Variants in TAF5L observed in about 807,000 individuals in gnomAD.
The protein encoded by TAF5L is TATA-box binding protein associated factor 5 like.
A neutral mutation model predicts 51.3 loss-of-function variants in TAF5L; 7 were observed. That is an observed-to-expected ratio of 0.14 (90% CI 0.08 to 0.26). TAF5L has a LOEUF of 0.26. Ranked by LOEUF, TAF5L falls within the 10% of genes least tolerant of loss-of-function variation. The pLI, the probability that TAF5L is intolerant of heterozygous loss-of-function variation, is 1.00. For synonymous variants in TAF5L, 291 were observed against 308.1 expected, an observed-to-expected ratio of 0.94 and a Z score of 0.58; for missense variants, 575 against 758.9, an observed-to-expected ratio of 0.76 and a Z score of 2.85.
chr1:229,599,284 T>TG, intron 4 of TAF5L: 1 of 797,338 alleles, frequency 1.3e-6, no homozygotes, highest in Non-Finnish European at 1.5e-6. Context: ...TGTTTTTTTT[T>TG]TTAAACTGAG....
rs991047707 is a variant in TAF5L, at chr1:229,616,234, G to A, written c.-3-1749C>T. ...TCACCATGTTGGCCAGGCTGGTCTC[G>A]AACTCCTGACCTCAAGTGACTTGCC... On this transcript the variant is annotated intron_variant, in intron 1 of 4. Transcript: ENST00000258281. Among the ~76,000 whole-genome samples, 8 of 152,066 alleles carry A rather than the reference G, an allele frequency of 5.3e-5. No individual in the cohort carries two copies. The East Asian group carries it at 5.8e-4, about 11-fold the overall frequency.
In TAF5L at chr1:229,614,400, G is replaced by T. The variant is rs778008907; in HGVS notation, c.83C>A (p.Pro28His). Reference sequence around the variant, plus strand: ...TGACAGCCGCAGTCCTTGCTTCAGGGGACCATCTGAGTCCACGTACTGCCG... The same window carrying T: ...TGACAGCCGCAGTCCTTGCTTCAGGTGACCATCTGAGTCCACGTACTGCCG... The change falls in exon 2 of 5, where the codon CCC (proline) becomes CAC (histidine). Residue 28 changes from proline (P) to histidine (H), a missense_variant. This residue lies in a region of TAF5L where 380 missense variants were observed against 443.7 expected (regional missense o/e 0.86). Transcript: ENST00000258281. 3 of 1,614,188 alleles carry T rather than the reference G, an allele frequency of 1.9e-6. No homozygotes were observed. The South Asian group carries it at 3.3e-5, about 18-fold the overall frequency.
At chr1:229,607,050 A>T in intron 3 of TAF5L, 1 of 985,414 alleles carries the variant, frequency 1.0e-6, no homozygotes, top group South Asian at 4.7e-5. Flanking sequence ...TCCTAGCCTC[A>T]AATTTCCCAC....
At chr1:229,605,108 G>GTACATATA (rs751531853) in intron 3 of TAF5L, among the ~76,000 whole-genome samples, 68 of 118,672 alleles carry the variant, frequency 5.7e-4, no homozygotes, top group African/African-American at 1.9e-3. Flanking sequence ...ATTTTTGTAT[G>GTACATATA]TATATATATA....
chr1:229,613,049 G>A (rs1339309410), intron 2 of TAF5L, among the ~76,000 whole-genome samples: 1 of 152,002 alleles, frequency 6.6e-6, no homozygotes, highest in Admixed American at 6.6e-5. Flanking sequence ...GTTACACAGT[G>A]GCTCACACCT....
chr1:229,604,476 CAAGG>C (rs2102748520), intron 3 of TAF5L, among the ~76,000 whole-genome samples: 1 of 152,230 alleles, frequency 6.6e-6, no homozygotes, highest in East Asian at 1.9e-4. Flanking sequence ...AATCAATAGG[CAAGG>C]AAGGGAGTTA....
At chr1:229,610,343 G>A in intron 2 of TAF5L, 133 bp from the exon 3 acceptor site, 2 of 756,522 alleles carry the variant, frequency 2.6e-6, no homozygotes, top group Non-Finnish European at 4.4e-6. Context: ...GGTTTCCAAA[G>A]CATGCTGGGT....
At chr1:229,614,625 A>G (rs1664906595) in intron 1 of TAF5L, 140 bp from the exon 2 acceptor site, 1 of 1,040,094 alleles carries the variant, frequency 9.6e-7, no homozygotes, top group South Asian at 1.6e-5. Flanking sequence ...TAAGACGCAA[A>G]TCTAAGTTCC....
chr1:229,618,112 T>C (rs1382861463), intron 1 of TAF5L, among the ~76,000 whole-genome samples: 2 of 152,142 alleles, frequency 1.3e-5, no homozygotes, highest in East Asian at 1.9e-4. Context: ...AGAGTACTAA[T>C]ATCCAAAAAG....
intron 2 of TAF5L, among the ~76,000 whole-genome samples, chr1:229,611,593 C>T (rs1229575111): frequency 1.3e-5 from 2 of 152,186 alleles, no homozygotes; most frequent in Non-Finnish European, 2.9e-5. Flanking sequence ...CCTCCTCCTT[C>T]TTCTTGCCCC....
chr1:229,597,657 T>G, intron 4 of TAF5L, among the ~76,000 whole-genome samples: 1 of 152,196 alleles, frequency 6.6e-6, no homozygotes, highest in Non-Finnish European at 1.5e-5. Flanking sequence ...GCCTGAATAC[T>G]CCACAGTAAT....
chr1:229,614,555 A>G, intron 1 of TAF5L, 70 bp from the exon 2 acceptor site: 7 of 1,577,444 alleles, frequency 4.4e-6, no homozygotes, highest in Non-Finnish European at 5.2e-6. Context: ...TAACTGCACC[A>G]TCGCAGATGG....
At chr1:229,612,943 C>A (rs1003004139) in intron 2 of TAF5L, among the ~76,000 whole-genome samples, 8 of 152,166 alleles carry the variant, frequency 5.3e-5, no homozygotes, top group Non-Finnish European at 1.2e-4. Context: ...CACCTCCACA[C>A]ACAGCCATTG....
intron 4 of TAF5L, chr1:229,599,198 G>C: frequency 1.1e-6 from 1 of 896,356 alleles, no homozygotes; most frequent in Non-Finnish European, 1.3e-6. Flanking sequence ...GGACAGTGCT[G>C]TGAATTCAGT....
chr1:229,599,085 G>A (rs1023076864), intron 4 of TAF5L: 6 of 166,420 alleles, frequency 3.6e-5, no homozygotes, highest in African/African-American at 9.6e-5. Context: ...ACAGGAGGAG[G>A]GCTGCTCATA....
At chr1:229,613,196 T>C (rs939472338) in intron 2 of TAF5L, among the ~76,000 whole-genome samples, 1 of 149,700 alleles carries the variant, frequency 6.7e-6, no homozygotes, top group Non-Finnish European at 1.5e-5. Context: ...AGCCAGGTGG[T>C]TGTGCATGAC....
intron 2 of TAF5L, among the ~76,000 whole-genome samples, chr1:229,613,006 C>T (rs1287920114): frequency 2.6e-5 from 4 of 151,846 alleles, no homozygotes; most frequent in African/African-American, 4.8e-5. Context: ...CCCCCAGAAT[C>T]ACTAGTAAAT....
chr1:229,602,940 G>A lies in TAF5L; in HGVS notation c.248-21C>T. The stretch of plus-strand genomic sequence containing the variant: ...AGAATCTATAATGAAAGAAAAAGAA[G>A]GCTTTATAATCAGCATAATCTTACA... On this transcript the variant is annotated intron_variant, in intron 3 of 4. Transcript: ENST00000258281. The surrounding 1 kb of genome is among the most constrained non-coding windows in gnomAD (Gnocchi z 4.6). The A allele has an allele frequency of 6.4e-7, 1 of 1,566,034 alleles. No homozygotes were observed. Among genetic ancestry groups the A allele is most frequent in the Non-Finnish European group, 8.6e-7 (1 of 1,165,152 alleles).
At chr1:229,614,177 G>A in intron 2 of TAF5L, 164 bp downstream of exon 2, 2 of 1,096,884 alleles carry the variant, frequency 1.8e-6, no homozygotes, top group Non-Finnish European at 2.7e-6. Flanking sequence ...TGACAGACAG[G>A]GTCTCTGAGG....
Sources: gnomAD v4.1 joint callset for allele counts (sites outside exome capture counted in the v4.1 genomes callset) on GRCh38, gnomAD v4.1.1 for gene constraint, gnomAD v4.1.1 regional missense constraint, Gnocchi (gnomAD v3.1) non-coding constraint, MANE v1.5 for transcripts, NCBI Gene and HGNC (gene_info 2026-07-23, HGNC 2026-07-21) for gene names.